Variants in ANKS1B observed in about 807,000 individuals in gnomAD.
ANKS1B encodes the protein ankyrin repeat and sterile alpha motif domain containing 1B.
Under a neutral mutation model 148.3 loss-of-function variants are expected in ANKS1B, and 36 were observed. The ratio of observed to expected loss-of-function variants is 0.24; its 90% CI spans 0.19 to 0.32. ANKS1B has a LOEUF of 0.32. ANKS1B is among the 10% of genes least tolerant of loss of function. The probability of loss-of-function intolerance (pLI) is 1.00; values close to 1 mark genes in which losing one functional copy is unlikely to be tolerated. For missense variants in ANKS1B, 1,157 were observed against 1,542.6 expected, an observed-to-expected ratio of 0.75 and a Z score of 4.19; for synonymous variants, 542 against 560.8, an observed-to-expected ratio of 0.97 and a Z score of 0.47.
At chr12:99,938,929 A>C (rs2094847978) in intron 1 of ANKS1B, among the ~76,000 whole-genome samples, 1 of 152,198 alleles carries the variant, frequency 6.6e-6, no homozygotes, top group African/African-American at 2.4e-5. Context: ...CTTAAGGTGT[A>C]GAAGAAAACT....
chr12:99,339,736 T>C (rs1217424914), intron 12 of ANKS1B, among the ~76,000 whole-genome samples: 1 of 152,132 alleles, frequency 6.6e-6, no homozygotes, highest in Non-Finnish European at 1.5e-5. Flanking sequence ...ATTTTTGAAT[T>C]CTGGTTTTCA....
chr12:99,527,081 A>G lies in ANKS1B; in HGVS notation c.1273-22440T>C, dbSNP rs539115050. 2.2e-4 allele frequency among the ~76,000 whole-genome samples: 34 copies of G among 152,314 alleles called. No homozygotes were observed. In the East Asian group the frequency reaches 5.6e-3, roughly 25 times the overall value. Reference sequence around the variant, plus strand: ...TTCTCTCTCACAGACCTCAGAAGGAACCAGTCCTGCTGACACCTTAATTTT... The same window carrying G: ...TTCTCTCTCACAGACCTCAGAAGGAGCCAGTCCTGCTGACACCTTAATTTT... On this transcript the variant is annotated intron_variant, in intron 9 of 26. Transcript: ENST00000683438.
intron 1 of ANKS1B, among the ~76,000 whole-genome samples, chr12:99,897,559 T>C (rs2093427482): frequency 1.3e-5 from 2 of 151,220 alleles, no homozygotes; most frequent in South Asian, 4.2e-4. Context: ...ACATATCATT[T>C]CTATTTTTCC....
chr12:98,984,234 G>C (rs1008115635), intron 17 of ANKS1B, among the ~76,000 whole-genome samples: 16 of 152,132 alleles, frequency 1.1e-4, no homozygotes, highest in African/African-American at 3.9e-4. Flanking sequence ...CTCCTGGAAG[G>C]GTAGTTTGTG....
intron 15 of ANKS1B, among the ~76,000 whole-genome samples, chr12:99,087,316 G>A (rs1429038246): frequency 6.6e-6 from 1 of 152,150 alleles, no homozygotes; most frequent in African/African-American, 2.4e-5. Flanking sequence ...AACAGCTAGG[G>A]ATTTAAAACG....
chr12:99,390,368 G>A (rs2094015657), intron 12 of ANKS1B, among the ~76,000 whole-genome samples: 1 of 152,128 alleles, frequency 6.6e-6, no homozygotes, highest in African/African-American at 2.4e-5. Flanking sequence ...CAAGTCAATA[G>A]ACTTAAAAAT....
chr12:99,535,004 C>T (rs919715954), intron 9 of ANKS1B, among the ~76,000 whole-genome samples: 1 of 152,108 alleles, frequency 6.6e-6, no homozygotes, highest in East Asian at 1.9e-4. Flanking sequence ...CCACCGCGCC[C>T]GGCCCTTTTT....
chr12:99,632,846 G>T (rs893371721), intron 9 of ANKS1B, among the ~76,000 whole-genome samples: 1 of 143,452 alleles, frequency 7.0e-6, no homozygotes, highest in African/African-American at 2.6e-5. Flanking sequence ...TGCCATGTTG[G>T]TGTCCTGCAC....
intron 1 of ANKS1B, among the ~76,000 whole-genome samples, chr12:99,906,701 A>G (rs1452141928): frequency 6.6e-6 from 1 of 152,240 alleles, no homozygotes; most frequent in East Asian, 1.9e-4. Flanking sequence ...ACTGGATTCA[A>G]AGTAAAACTC....
At chr12:99,601,178 C>T (rs1206905613) in intron 9 of ANKS1B, among the ~76,000 whole-genome samples, 4 of 151,972 alleles carry the variant, frequency 2.6e-5, no homozygotes, top group Non-Finnish European at 4.4e-5. Flanking sequence ...ACTGGGATAC[C>T]GGTGTCCAGT....
chr12:99,557,471 T>C (rs1226429190), intron 9 of ANKS1B, among the ~76,000 whole-genome samples: 1 of 152,238 alleles, frequency 6.6e-6, no homozygotes, highest in African/African-American at 2.4e-5. Context: ...CTTGAAATTG[T>C]ATCATAAAAC....
At chr12:98,816,083 C>T (rs2099137507) in intron 19 of ANKS1B, among the ~76,000 whole-genome samples, 1 of 152,132 alleles carries the variant, frequency 6.6e-6, no homozygotes, top group South Asian at 2.1e-4. Flanking sequence ...CAGCAAAGCA[C>T]ATTCTTGCCT....
chr12:99,783,923 A>G (rs2064672117), intron 4 of ANKS1B, among the ~76,000 whole-genome samples: 2 of 152,142 alleles, frequency 1.3e-5, no homozygotes. Context: ...AAGGTGATAG[A>G]TATGCTAATT....
rs188696114 is a variant in ANKS1B, at chr12:99,042,495, C to T, written c.2778+10662G>A. On this transcript the variant is annotated intron_variant, in intron 17 of 26. Transcript: ENST00000683438. ...ATTTGCAGCCAAGCCCAGCCTAAAT[C>T]GCTGACCCACAAACTGTAAGCTCAG... 8.5e-5 allele frequency among the ~76,000 whole-genome samples: 13 copies of T among 152,286 alleles called. No individual in the cohort carries two copies. In the East Asian group the frequency reaches 1.4e-3, roughly 16 times the overall value.
At chr12:98,842,516 G>C (rs919753293) in intron 17 of ANKS1B, among the ~76,000 whole-genome samples, 1 of 152,210 alleles carries the variant, frequency 6.6e-6, no homozygotes, top group African/African-American at 2.4e-5. Flanking sequence ...TTGGATAGCT[G>C]TATAGGTTTA....
chr12:98,951,862 T>C (rs2099854580), intron 17 of ANKS1B, among the ~76,000 whole-genome samples: 1 of 152,226 alleles, frequency 6.6e-6, no homozygotes, highest in Admixed American at 6.5e-5. Flanking sequence ...TATGCATGAT[T>C]TGTGTTTCTC....
At chr12:98,872,175 A>G (rs1013828599) in intron 17 of ANKS1B, among the ~76,000 whole-genome samples, 6 of 152,176 alleles carry the variant, frequency 3.9e-5, no homozygotes, top group African/African-American at 1.4e-4. Context: ...CATCTCCCCA[A>G]ATTCATATGT....
Position 99,330,143 on chromosome 12 carries a change from T to A in ANKS1B, c.1756+69488A>T, listed in dbSNP as rs557007767. On this transcript the variant is annotated intron_variant, in intron 12 of 26. Transcript: ENST00000683438. ...CACATCATAAGAGAATTAAAAGTAA[T>A]TAAGATCCAATCCAAGGGCTATGGA... 7.9e-5 allele frequency among the ~76,000 whole-genome samples: 12 copies of A among 152,066 alleles called. 1 individual carries two copies. The East Asian group carries it at 2.3e-3, about 29-fold the overall frequency.
chr12:99,322,620 C>T lies in ANKS1B; in HGVS notation c.1757-75756G>A, dbSNP rs770327917. Among the ~76,000 whole-genome samples the T allele has an allele frequency of 2.0e-5, 3 of 152,294 alleles. No homozygotes were observed. In the South Asian group the frequency reaches 6.2e-4, roughly 32 times the overall value. On this transcript the variant is annotated intron_variant, in intron 12 of 26. Transcript: ENST00000683438. Reference sequence around the variant, plus strand: ...TCTACTTTTACCACTGAATACCTCGCTATTCCATGCTATGAGAACCCTATG... The same window carrying T: ...TCTACTTTTACCACTGAATACCTCGTTATTCCATGCTATGAGAACCCTATG...
Sources: gnomAD v4.1 joint callset for allele counts (sites outside exome capture counted in the v4.1 genomes callset) on GRCh38, gnomAD v4.1.1 for gene constraint, MANE v1.5 for transcripts, NCBI Gene and HGNC (gene_info 2026-07-23, HGNC 2026-07-21) for gene names.